Variants in DCLK1 observed in about 807,000 individuals in gnomAD.
The protein encoded by DCLK1 is serine/threonine-protein kinase DCLK1.
Under a neutral mutation model 86.2 loss-of-function variants are expected in DCLK1, and 16 were observed. That is an observed-to-expected ratio of 0.19 (90% CI 0.13 to 0.28). The LOEUF is 0.28. Ranked by LOEUF, DCLK1 falls within the 10% of genes least tolerant of loss-of-function variation. The pLI, the probability that DCLK1 is intolerant of heterozygous loss-of-function variation, is 1.00. For missense variants in DCLK1, 590 were observed against 940.2 expected (o/e 0.63, Z 4.87); for synonymous variants, 369 against 370.5 (o/e 1.00, Z 0.05).
At chr13:35,930,620 A>G (rs965394511) in intron 4 of DCLK1, among the ~76,000 whole-genome samples, 3 of 150,924 alleles carry the variant, frequency 2.0e-5, no homozygotes, top group African/African-American at 5.0e-5. Flanking sequence ...ACAAACAAAA[A>G]CAAACAAAAA....
chr13:36,016,273 T>A (rs563308155), intron 3 of DCLK1, among the ~76,000 whole-genome samples: 21 of 152,308 alleles, frequency 1.4e-4, no homozygotes, highest in African/African-American at 4.8e-4. Context: ...TACAGTACAT[T>A]AAAATGCAGC....
At chr13:35,908,702 C>G (rs1418030161) in intron 4 of DCLK1, among the ~76,000 whole-genome samples, 1 of 152,206 alleles carries the variant, frequency 6.6e-6, no homozygotes, top group Admixed American at 6.5e-5. Flanking sequence ...ATGGCGTGAT[C>G]TTGGCTCACT....
chr13:36,104,032 G>C (rs566618948), intron 3 of DCLK1, among the ~76,000 whole-genome samples: 2 of 152,182 alleles, frequency 1.3e-5, no homozygotes, highest in African/African-American at 4.8e-5. Flanking sequence ...TGGCAGATGC[G>C]TTCTTTTTAT....
At chr13:35,893,775 A>G (rs1441869042) in intron 4 of DCLK1, among the ~76,000 whole-genome samples, 1 of 152,196 alleles carries the variant, frequency 6.6e-6, no homozygotes, top group East Asian at 1.9e-4. Flanking sequence ...ATCTGCACAC[A>G]TTATTTTTTT....
At chr13:35,951,387 C>A (rs968474702) in intron 3 of DCLK1, among the ~76,000 whole-genome samples, 4 of 150,592 alleles carry the variant, frequency 2.7e-5, no homozygotes, top group African/African-American at 7.4e-5. Flanking sequence ...TCTGCTTTAC[C>A]TGTTTTTCTT....
chr13:35,995,091 G>A (rs566825902), intron 3 of DCLK1, among the ~76,000 whole-genome samples: 2 of 152,316 alleles, frequency 1.3e-5, no homozygotes, highest in Admixed American at 1.3e-4. Flanking sequence ...TTTTGTCTAA[G>A]TGTTCTCCAA....
chr13:35,952,039 C>T (rs977140352), intron 3 of DCLK1, among the ~76,000 whole-genome samples: 1 of 152,068 alleles, frequency 6.6e-6, no homozygotes, highest in Non-Finnish European at 1.5e-5. Flanking sequence ...CTTTGTGTCT[C>T]GGTTTATCAT....
chr13:35,860,320 G>T (rs1049236788), intron 5 of DCLK1, among the ~76,000 whole-genome samples: 5 of 146,326 alleles, frequency 3.4e-5, no homozygotes, highest in African/African-American at 8.3e-5. Context: ...TGCAGGGGGT[G>T]GGGGGTGCAT....
rs1203184266 is a variant in DCLK1, at chr13:36,008,227, A to AT, written c.724-60771dup. Among the ~76,000 whole-genome samples, 521 of 85,162 alleles carry AT rather than the reference A, an allele frequency of 6.1e-3. 11 individuals are homozygous for AT. Among genetic ancestry groups the AT allele is most frequent in the Middle Eastern group, 0.015 (2 of 132 alleles). 55.9% of individuals were successfully genotyped at this position (85,162 alleles called of 152,430 possible). On this transcript the variant is annotated intron_variant, in intron 3 of 16. Transcript: ENST00000360631. ...TATTATTATTATTATTATTATTATT[A>AT]TTTTTTTAATTATACTTTAAGTTTT... is the stretch of plus-strand genomic sequence containing the variant.
At chr13:35,998,687 G>A (rs1362804157) in intron 3 of DCLK1, among the ~76,000 whole-genome samples, 2 of 151,844 alleles carry the variant, frequency 1.3e-5, no homozygotes, top group African/African-American at 2.4e-5. Context: ...ATAAATATTT[G>A]TCAAACATAA....
chr13:35,774,584 T>A lies in DCLK1; in HGVS notation c.2174A>T (p.Tyr725Phe). 6.4e-7 allele frequency: 1 copy of A among 1,572,652 alleles called. No individual in the cohort carries two copies. The change falls in exon 17 of 17, where the codon TAC becomes TTC. Residue 725 changes from tyrosine to phenylalanine, a missense_variant. Tyr to Phe is a conservative substitution (Grantham distance 22). Transcript: ENST00000360631. ...AACAGTCTCGGAGGAGCTTGGGGAG[T>A]AGTCTTCCGATTCCGAGTTGAGTTC... ...PPELNSESED[Y>F]SPSSSETVRS...
At chr13:35,791,660 T>C (rs2086710342) in intron 16 of DCLK1, among the ~76,000 whole-genome samples, 1 of 152,154 alleles carries the variant, frequency 6.6e-6, no homozygotes, top group South Asian at 2.1e-4. Context: ...CCCTTAGTCA[T>C]TGTAAGACTC....
intron 3 of DCLK1, among the ~76,000 whole-genome samples, chr13:36,103,405 A>T (rs566534221): frequency 0.053 from 3,162 of 59,504 alleles, 109 homozygotes; most frequent in African/African-American, 0.23. Flanking sequence ...CACCTGTCTT[A>T]AAAAAAAAAA....
At chr13:36,066,599 C>A (rs140986453) in intron 3 of DCLK1, among the ~76,000 whole-genome samples, 1 of 152,076 alleles carries the variant, frequency 6.6e-6, no homozygotes. Flanking sequence ...GCTAAAGAAA[C>A]TATCATCAGA....
chr13:36,121,393 G>T (rs893524275), intron 2 of DCLK1, among the ~76,000 whole-genome samples: 1 of 152,138 alleles, frequency 6.6e-6, no homozygotes, highest in Non-Finnish European at 1.5e-5. Flanking sequence ...GACAATTCAG[G>T]AGTTTTAAAC....
At chr13:36,058,928 A>G (rs1237666219) in intron 3 of DCLK1, among the ~76,000 whole-genome samples, 1 of 152,214 alleles carries the variant, frequency 6.6e-6, no homozygotes, top group African/African-American at 2.4e-5. Context: ...AATGATCAGA[A>G]TATCTACTGG....
intron 3 of DCLK1, among the ~76,000 whole-genome samples, chr13:36,033,881 C>T (rs1310509374): frequency 3.3e-5 from 5 of 152,186 alleles, no homozygotes; most frequent in African/African-American, 1.2e-4. Flanking sequence ...GCCGAAGTCG[C>T]ACCATTGCGC....
At chr13:36,051,174 A>G (rs2153157168) in intron 3 of DCLK1, among the ~76,000 whole-genome samples, 1 of 152,300 alleles carries the variant, frequency 6.6e-6, no homozygotes, top group Admixed American at 6.5e-5. Flanking sequence ...CACCATAATC[A>G]AAACATTTTT....
At chr13:35,828,087 T>G (rs929812168) in intron 9 of DCLK1, among the ~76,000 whole-genome samples, 163 bp downstream of exon 9, 3 of 152,222 alleles carry the variant, frequency 2.0e-5, no homozygotes, top group African/African-American at 7.2e-5. Context: ...AAATAACTTT[T>G]ATCCCAGGGA....
Sources: allele counts gnomAD v4.1 joint callset (sites outside exome capture counted in the v4.1 genomes callset), GRCh38; gene constraint gnomAD v4.1.1; transcripts MANE v1.5; gene names NCBI Gene and HGNC (gene_info 2026-07-23, HGNC 2026-07-21).